SMCO4: variants seen among roughly 807,000 people sequenced by gnomAD.
The protein encoded by SMCO4 is single-pass membrane protein with coiled-coil domains 4.
In SMCO4, 4 loss-of-function variants were observed where a neutral mutation model predicts 3.6. The observed-to-expected ratio is 1.11, with a 90% CI of 0.54 to 2.53. SMCO4 has a LOEUF of 2.53. Ranked by LOEUF, SMCO4 falls within the 30% of genes most tolerant of loss-of-function variation. The pLI is 0.02. For synonymous variants in SMCO4, 36 were observed against 35.3 expected (o/e 1.02, Z -0.07); for missense variants, 70 against 80.8 (o/e 0.87, Z 0.51).
upstream of SMCO4, among the ~76,000 whole-genome samples, chr11:93,545,531 T>A (rs1312668628): frequency 7.5e-6 from 1 of 133,372 alleles, no homozygotes. Context: ...GAGGTTGTAG[T>A]GAGCTGAGAT....
upstream of SMCO4, among the ~76,000 whole-genome samples, chr11:93,545,141 A>G (rs569104522): frequency 3.3e-5 from 5 of 152,288 alleles, no homozygotes; most frequent in East Asian, 1.9e-4. Flanking sequence ...TTTCCTCTAA[A>G]TATTATGTAC....
At chr11:93,535,752 G>C (rs1949217566) in intron 1 of SMCO4, 6 of 1,612,962 alleles carry the variant, frequency 3.7e-6, no homozygotes, top group Non-Finnish European at 5.1e-6. Context: ...ATGGGCTGAA[G>C]AAGAGAGACA....
intron 2 of SMCO4, among the ~76,000 whole-genome samples, chr11:93,487,906 T>C (rs1399089985): frequency 6.6e-6 from 1 of 152,250 alleles, no homozygotes; most frequent in Admixed American, 6.5e-5. Context: ...GTATCTATCA[T>C]TCAAATATTT....
At chr11:93,535,490 C>A in intron 1 of SMCO4, 2 of 1,390,498 alleles carry the variant, frequency 1.4e-6, no homozygotes, top group Non-Finnish European at 1.0e-6. Context: ...GGAGAGCGAG[C>A]AGCTCCTGAC....
At chr11:93,501,304 C>T (rs1271716500) in intron 1 of SMCO4, among the ~76,000 whole-genome samples, 1 of 152,170 alleles carries the variant, frequency 6.6e-6, no homozygotes, top group Non-Finnish European at 1.5e-5. Context: ...GGACAGGGCA[C>T]AGACTAGTAT....
intron 1 of SMCO4, among the ~76,000 whole-genome samples, chr11:93,502,269 G>A (rs768030003): frequency 2.0e-5 from 3 of 152,054 alleles, no homozygotes; most frequent in Non-Finnish European, 4.4e-5. Flanking sequence ...CTATGCTATT[G>A]AAGTCCCTGT....
intron 1 of SMCO4, among the ~76,000 whole-genome samples, chr11:93,527,659 C>A (rs912471815): frequency 2.0e-5 from 3 of 152,090 alleles, no homozygotes; most frequent in Non-Finnish European, 4.4e-5. Context: ...TGGGGTCTCA[C>A]TATATTGTCC....
chr11:93,503,224 G>GC (rs992895851), intron 1 of SMCO4, among the ~76,000 whole-genome samples: 28 of 152,122 alleles, frequency 1.8e-4, no homozygotes, highest in African/African-American at 5.8e-4. Context: ...CCATTGTGAG[G>GC]CCCCCCCAAC....
At chr11:93,533,070 T>G (rs988089399) in intron 1 of SMCO4, among the ~76,000 whole-genome samples, 2 of 152,212 alleles carry the variant, frequency 1.3e-5, no homozygotes, top group African/African-American at 4.8e-5. Context: ...GAGAGGCAGA[T>G]GTTCTCTTTT....
At chr11:93,484,774 G>A (rs1056576124) in intron 2 of SMCO4, among the ~76,000 whole-genome samples, 1 of 150,714 alleles carries the variant, frequency 6.6e-6, no homozygotes, top group Non-Finnish European at 1.5e-5. Context: ...ATTAGCTGTT[G>A]GGCAGGTTTG....
In SMCO4 at chr11:93,503,578, G is replaced by T. The variant is rs369148890; in HGVS notation, c.-153-4230C>A. Among the ~76,000 whole-genome samples the T allele has an allele frequency of 5.9e-5, 9 of 152,312 alleles. No homozygotes were observed. In the East Asian group the frequency reaches 1.2e-3, roughly 20 times the overall value. ...AATTGTGAGATAAAGCTGTATTCTT[G>T]ATTATCTGGATTGGACCTAAATTCA... On this transcript the variant is annotated intron_variant, in intron 1 of 2. Transcript: ENST00000298966.
At chr11:93,482,745 G>A (rs1591301286) in intron 2 of SMCO4, among the ~76,000 whole-genome samples, 1 of 152,172 alleles carries the variant, frequency 6.6e-6, no homozygotes, top group Non-Finnish European at 1.5e-5. Flanking sequence ...TCAGTGGCAC[G>A]TGCTCAGTGC....
intron 2 of SMCO4, among the ~76,000 whole-genome samples, chr11:93,487,439 T>C (rs1457533831): frequency 1.3e-5 from 2 of 151,856 alleles, no homozygotes; most frequent in Non-Finnish European, 1.5e-5. Context: ...GGCCAGTGGG[T>C]GTATGGAGGG....
intron 2 of SMCO4, among the ~76,000 whole-genome samples, chr11:93,490,811 CT>C (rs1948705641): frequency 6.6e-6 from 1 of 152,216 alleles, no homozygotes; most frequent in Non-Finnish European, 1.5e-5. Flanking sequence ...CCAGACTGAA[CT>C]GCCTTTGGGG....
At chr11:93,521,468 C>T (rs535085634) in intron 1 of SMCO4, among the ~76,000 whole-genome samples, 10 of 152,208 alleles carry the variant, frequency 6.6e-5, no homozygotes, top group South Asian at 2.1e-4. Flanking sequence ...TAGGTACCCT[C>T]ATCATACCCT....
At chr11:93,483,875 G>A (rs72962733) in intron 2 of SMCO4, among the ~76,000 whole-genome samples, 5,825 of 152,158 alleles carry the variant, frequency 0.038, 390 homozygotes, top group East Asian at 0.31. Flanking sequence ...TTATCTTCCC[G>A]CCCTTCGCCC....
At chr11:93,486,948 G>A (rs1948657240) in intron 2 of SMCO4, among the ~76,000 whole-genome samples, 1 of 152,104 alleles carries the variant, frequency 6.6e-6, no homozygotes, top group African/African-American at 2.4e-5. Context: ...TTCAAAATCA[G>A]GAACACAAAT....
At chr11:93,480,906 AG>A (rs1243805094) in intron 2 of SMCO4, among the ~76,000 whole-genome samples, 1 of 152,208 alleles carries the variant, frequency 6.6e-6, no homozygotes, top group East Asian at 1.9e-4. Flanking sequence ...GAGTTTCCTA[AG>A]GTATGAGATG....
intron 2 of SMCO4, among the ~76,000 whole-genome samples, chr11:93,494,027 C>G (rs1335351945): frequency 3.3e-5 from 5 of 152,178 alleles, no homozygotes; most frequent in Non-Finnish European, 7.3e-5. Context: ...ATAGCCTCCT[C>G]CACTGTTTCT....
Sources: gnomAD v4.1 joint callset for allele counts (sites outside exome capture counted in the v4.1 genomes callset) on GRCh38, gnomAD v4.1.1 for gene constraint, MANE v1.5 for transcripts, NCBI Gene and HGNC (gene_info 2026-07-23, HGNC 2026-07-21) for gene names.